The following RGS7 variants were observed in gnomAD, a reference collection of about 807,000 sequenced individuals.
RGS7 encodes regulator of G-protein signaling 7.
A neutral mutation model predicts 81.1 loss-of-function variants in RGS7; 27 were observed. The ratio of observed to expected loss-of-function variants is 0.33; its 90% CI spans 0.25 to 0.46. The LOEUF (loss-of-function observed/expected upper bound fraction) is 0.46, where lower values mean the gene tolerates loss of function less well. Among genes scored for constraint, RGS7 ranks in the 20% least tolerant of loss-of-function variants. RGS7 has a pLI of 1.00. For missense variants in RGS7, 396 were observed against 607.4 expected, an observed-to-expected ratio of 0.65 and a Z score of 3.66; for synonymous variants, 208 against 207.7, an observed-to-expected ratio of 1.00 and a Z score of -0.01.
intron 4 of RGS7, among the ~76,000 whole-genome samples, chr1:240,968,518 C>CA (rs746161598): frequency 4.7e-5 from 7 of 149,726 alleles, no homozygotes; most frequent in Non-Finnish European, 1.0e-4. Context: ...CAAGAGGCCC[C>CA]AATCACTTGA....
intron 2 of RGS7, among the ~76,000 whole-genome samples, chr1:241,302,107 T>C (rs2079796736): frequency 6.6e-6 from 1 of 152,094 alleles, no homozygotes; most frequent in Admixed American, 6.5e-5. Flanking sequence ...GTAATATTCA[T>C]GGTTTATCTG....
intron 3 of RGS7, among the ~76,000 whole-genome samples, chr1:241,006,654 G>A (rs755608069): frequency 5.9e-5 from 9 of 152,198 alleles, no homozygotes; most frequent in Non-Finnish European, 1.2e-4. Context: ...ACAGATGAGA[G>A]AGAATTATAA....
chr1:241,117,815 G>A (rs1318745056), intron 2 of RGS7, among the ~76,000 whole-genome samples: 1 of 152,076 alleles, frequency 6.6e-6, no homozygotes, highest in Non-Finnish European at 1.5e-5. Flanking sequence ...AGACATAAAG[G>A]ACCTCGTGTA....
chr1:240,879,096 T>G (rs541100541), intron 6 of RGS7, among the ~76,000 whole-genome samples: 1 of 152,288 alleles, frequency 6.6e-6, no homozygotes, highest in South Asian at 2.1e-4. Flanking sequence ...CTACCTTCAT[T>G]CCAGACTTGA....
At chr1:240,871,915 C>G (rs1051760006) in intron 6 of RGS7, among the ~76,000 whole-genome samples, 1 of 152,196 alleles carries the variant, frequency 6.6e-6, no homozygotes, top group African/African-American at 2.4e-5. Context: ...GCATCAGCTT[C>G]TCCTTGCTTT....
At chr1:241,302,783 C>A (rs962286046) in intron 2 of RGS7, among the ~76,000 whole-genome samples, 4 of 152,184 alleles carry the variant, frequency 2.6e-5, no homozygotes, top group African/African-American at 9.7e-5. Context: ...ACCCTCACCC[C>A]AAATCATTTT....
intron 3 of RGS7, among the ~76,000 whole-genome samples, chr1:241,093,014 T>C (rs1034657288): frequency 6.6e-6 from 1 of 152,190 alleles, no homozygotes; most frequent in Non-Finnish European, 1.5e-5. Context: ...ATTATTGTTT[T>C]TAAAAAGGAA....
At chr1:241,040,590 C>G (rs1234016406) in intron 3 of RGS7, among the ~76,000 whole-genome samples, 1 of 152,102 alleles carries the variant, frequency 6.6e-6, no homozygotes, top group Non-Finnish European at 1.5e-5. Flanking sequence ...CAACCTCTGC[C>G]TCCCAGGTTC....
chr1:241,252,814 A>G (rs1342909530), intron 2 of RGS7, among the ~76,000 whole-genome samples: 1 of 152,172 alleles, frequency 6.6e-6, no homozygotes, highest in African/African-American at 2.4e-5. Flanking sequence ...TTTTTAAGGA[A>G]GGGGAGGTTG....
intron 2 of RGS7, among the ~76,000 whole-genome samples, chr1:241,208,414 C>T (rs980978197): frequency 1.3e-5 from 2 of 152,062 alleles, no homozygotes; most frequent in Non-Finnish European, 2.9e-5. Context: ...GATGGGAAAA[C>T]GGCAGCAATT....
chr1:241,222,477 G>A (rs1349398280), intron 2 of RGS7, among the ~76,000 whole-genome samples: 1 of 152,138 alleles, frequency 6.6e-6, no homozygotes, highest in African/African-American at 2.4e-5. Context: ...AAAAGTTCAT[G>A]GATAAGAGAA....
intron 2 of RGS7, among the ~76,000 whole-genome samples, chr1:241,109,821 A>C (rs1391677126): frequency 6.6e-6 from 1 of 151,740 alleles, no homozygotes; most frequent in African/African-American, 2.4e-5. Context: ...AGCCGGGCTT[A>C]GTGTTGGGTG....
intron 9 of RGS7, among the ~76,000 whole-genome samples, chr1:240,843,908 C>A (rs1572378618): frequency 6.9e-6 from 1 of 144,218 alleles, no homozygotes; most frequent in Non-Finnish European, 1.5e-5. Context: ...GGAAAAAAAA[C>A]AAGCTCAAAT....
At chr1:241,306,763 A>G (rs1429082604) in intron 2 of RGS7, among the ~76,000 whole-genome samples, 2 of 152,056 alleles carry the variant, frequency 1.3e-5, no homozygotes, top group Non-Finnish European at 2.9e-5. Context: ...ACACATACGC[A>G]CACACCTTTA....
At chr1:240,879,455 T>C (rs1666021173) in intron 6 of RGS7, among the ~76,000 whole-genome samples, 1 of 152,214 alleles carries the variant, frequency 6.6e-6, no homozygotes, top group African/African-American at 2.4e-5. Context: ...AGATACTTGT[T>C]CTTTTTACAG....
chr1:241,089,057 CTCTCTCTA>C (rs1190107410), intron 3 of RGS7, among the ~76,000 whole-genome samples: 52 of 48,582 alleles, frequency 1.1e-3, no homozygotes, highest in East Asian at 1.5e-3. Flanking sequence ...CTCTCTCTCT[CTCTCTCTA>C]TATATATATA....
At chr1:241,284,647 C>T (rs2078697084) in intron 2 of RGS7, among the ~76,000 whole-genome samples, 3 of 152,282 alleles carry the variant, frequency 2.0e-5, no homozygotes, top group Middle Eastern at 3.4e-3. Flanking sequence ...GTCTCAATGC[C>T]AGTGACAGGA....
intron 6 of RGS7, among the ~76,000 whole-genome samples, chr1:240,882,546 G>C (rs966497896): frequency 6.6e-6 from 1 of 152,124 alleles, no homozygotes; most frequent in Admixed American, 6.6e-5. Context: ...TAGTATGTCG[G>C]CAAGTCGGGG....
At chr1:241,193,137 G>A (rs1207536801) in intron 2 of RGS7, among the ~76,000 whole-genome samples, 1 of 152,176 alleles carries the variant, frequency 6.6e-6, no homozygotes, top group African/African-American at 2.4e-5. Context: ...AATTGTCCTT[G>A]TCTACAGCCT....
Sources: allele counts gnomAD v4.1 joint callset (sites outside exome capture counted in the v4.1 genomes callset), GRCh38; gene constraint gnomAD v4.1.1; transcripts MANE v1.5; gene names NCBI Gene and HGNC (gene_info 2026-07-23, HGNC 2026-07-21).